Variants in RBMS3 observed in about 807,000 individuals in gnomAD.
The protein encoded by RBMS3 is RNA binding motif single stranded interacting protein 3.
A neutral mutation model predicts 66.8 loss-of-function variants in RBMS3; 27 were observed. The observed-to-expected ratio is 0.40, with a 90% confidence interval of 0.30 to 0.56. The LOEUF (loss-of-function observed/expected upper bound fraction) is 0.56, where lower values mean the gene tolerates loss of function less well. RBMS3 is among the 20% of genes least tolerant of loss of function. The probability of loss-of-function intolerance (pLI) is 0.40; values close to 1 mark genes in which losing one functional copy is unlikely to be tolerated. For synonymous variants in RBMS3, 188 were observed against 183.0 expected (o/e 1.03, Z -0.22); for missense variants, 513 against 549.5 (o/e 0.93, Z 0.66).
Position 29,906,771 on chromosome 3 carries a change from G to A in RBMS3, c.939+7016G>A, listed in dbSNP as rs933391410. Among the ~76,000 whole-genome samples, 15 of 151,884 alleles carry A rather than the reference G, an allele frequency of 9.9e-5. No individual in the cohort carries two copies. The East Asian group carries it at 1.7e-3, about 18-fold the overall frequency. ...GTACAGTTAATATCTAATGTTACATGTTTCCAGATGTTTTTCTGTATTTAT... is the reference window on the plus strand; with the variant it reads ...GTACAGTTAATATCTAATGTTACATATTTCCAGATGTTTTTCTGTATTTAT... On this transcript the variant is annotated intron_variant, in intron 10 of 14. Transcript: ENST00000383767.
At chr3:29,646,829 T>C (rs915908443) in intron 4 of RBMS3, among the ~76,000 whole-genome samples, 2 of 152,190 alleles carry the variant, frequency 1.3e-5, no homozygotes, top group African/African-American at 4.8e-5. Flanking sequence ...ATTCTGTTTT[T>C]GGAATCTCCC....
chr3:29,552,595 C>A (rs28150), intron 3 of RBMS3, among the ~76,000 whole-genome samples: 82,221 of 151,852 alleles, frequency 0.54, 22,953 homozygotes, highest in African/African-American at 0.65. Context: ...AAGTGAATAG[C>A]AGTAGTGTTA....
At chr3:29,526,368 A>T (rs1177309211) in intron 3 of RBMS3, 1 of 151,668 alleles carries the variant, frequency 6.6e-6, no homozygotes, top group Non-Finnish European at 1.5e-5. Context: ...AAAAATACAA[A>T]AAATTAGCCG....
At chr3:29,505,692 T>C (rs2148945790) in intron 3 of RBMS3, among the ~76,000 whole-genome samples, 1 of 151,998 alleles carries the variant, frequency 6.6e-6, no homozygotes, top group South Asian at 2.1e-4. Context: ...CTTAATAGTA[T>C]TCTTCTAATC....
At chr3:29,492,291 C>G (rs2043578728) in intron 3 of RBMS3, among the ~76,000 whole-genome samples, 1 of 151,960 alleles carries the variant, frequency 6.6e-6, no homozygotes, top group Non-Finnish European at 1.5e-5. Context: ...GAGTATTTTC[C>G]TTTCAAAAAA....
At chr3:29,509,219 T>G (rs979414880) in intron 3 of RBMS3, among the ~76,000 whole-genome samples, 4 of 152,146 alleles carry the variant, frequency 2.6e-5, no homozygotes, top group African/African-American at 9.7e-5. Context: ...GCCATAGTGA[T>G]GGCTCTGGTC....
chr3:29,465,257 A>T (rs2042498634), intron 2 of RBMS3, among the ~76,000 whole-genome samples: 1 of 152,146 alleles, frequency 6.6e-6, no homozygotes, highest in African/African-American at 2.4e-5. Flanking sequence ...AAAAGACATA[A>T]ATGTTAGTGA....
At chr3:29,915,712 G>A (rs2060623398) in intron 10 of RBMS3, among the ~76,000 whole-genome samples, 2 of 151,902 alleles carry the variant, frequency 1.3e-5, no homozygotes, top group Non-Finnish European at 1.5e-5. Flanking sequence ...TATTACCTGT[G>A]ATACAAAAGG....
rs141250310 is a variant in RBMS3 at position 29,336,457 on chromosome 3, A to G, written c.75+54701A>G. On this transcript the variant is annotated intron_variant, in intron 1 of 14. Transcript: ENST00000383767. Reference sequence around the variant, plus strand: ...ATTGATTTTGCTTACGTAATTTTAGATGAAAAAAAAAACCATAATCAACCT... The same window carrying G: ...ATTGATTTTGCTTACGTAATTTTAGGTGAAAAAAAAAACCATAATCAACCT... 3.7e-4 allele frequency among the ~76,000 whole-genome samples: 56 copies of G among 152,144 alleles called. No individual in the cohort carries two copies. The East Asian group carries it at 9.7e-3, about 26-fold the overall frequency.
chr3:29,647,492 ATGTTT>A (rs2049967458), intron 4 of RBMS3, among the ~76,000 whole-genome samples: 1 of 152,214 alleles, frequency 6.6e-6, no homozygotes, highest in African/African-American at 2.4e-5. Flanking sequence ...TTCCATTGTC[ATGTTT>A]CTAGATAGAG....
intron 6 of RBMS3, among the ~76,000 whole-genome samples, chr3:29,815,007 A>G (rs755473346): frequency 1.6e-4 from 24 of 152,304 alleles, no homozygotes; most frequent in African/African-American, 2.2e-4. Context: ...GTTTGGAAAA[A>G]GACATCCTGA....
At chr3:29,497,265 T>C (rs1227259487) in intron 3 of RBMS3, among the ~76,000 whole-genome samples, 1 of 152,030 alleles carries the variant, frequency 6.6e-6, no homozygotes, top group Non-Finnish European at 1.5e-5. Context: ...CGCCTCAACC[T>C]CCCAAATTGC....
intron 4 of RBMS3, among the ~76,000 whole-genome samples, chr3:29,674,797 A>T (rs2051168189): frequency 6.6e-6 from 1 of 152,054 alleles, no homozygotes; most frequent in South Asian, 2.1e-4. Flanking sequence ...ATGGATAGGA[A>T]GAATCAATAT....
chr3:29,296,424 G>A (rs1003128243), intron 1 of RBMS3, among the ~76,000 whole-genome samples: 8 of 151,680 alleles, frequency 5.3e-5, no homozygotes, highest in South Asian at 2.1e-4. Flanking sequence ...CTTGTTTGGC[G>A]CTGCTTAATC....
At chr3:29,688,895 C>T (rs1022531330) in intron 4 of RBMS3, among the ~76,000 whole-genome samples, 2 of 151,860 alleles carry the variant, frequency 1.3e-5, no homozygotes, top group Non-Finnish European at 2.9e-5. Flanking sequence ...ATATTTCTTG[C>T]TAAAGACTGA....
At chr3:29,346,890 C>T (rs2036608394) in intron 1 of RBMS3, among the ~76,000 whole-genome samples, 1 of 152,286 alleles carries the variant, frequency 6.6e-6, no homozygotes, top group South Asian at 2.1e-4. Flanking sequence ...GTAAACATTA[C>T]GTGAAAGAAC....
intron 4 of RBMS3, among the ~76,000 whole-genome samples, chr3:29,725,159 A>G (rs1054863134): frequency 5.3e-5 from 8 of 152,240 alleles, no homozygotes; most frequent in South Asian, 2.1e-4. Flanking sequence ...GAATCACAAG[A>G]CTCCTGTAGG....
rs376847277 is a variant in RBMS3, at chr3:29,597,814, C to T, written c.399+10609C>T. On this transcript the variant is annotated intron_variant, in intron 4 of 14. Coordinates refer to ENST00000383767, the MANE Select transcript of RBMS3 (RefSeq NM_001003793.3). ...ATAAAGGAAATAAAGTTTTAAATGACGCAATATTAAGAGCTCATTTTTTCA... is the reference window on the plus strand; with the variant it reads ...ATAAAGGAAATAAAGTTTTAAATGATGCAATATTAAGAGCTCATTTTTTCA... 2.0e-4 allele frequency among the ~76,000 whole-genome samples: 30 copies of T among 151,608 alleles called. No homozygotes were observed. In the East Asian group the frequency reaches 2.5e-3, roughly 13 times the overall value.
chr3:29,976,950 C>T (rs1211860524), intron 12 of RBMS3, among the ~76,000 whole-genome samples: 1 of 152,078 alleles, frequency 6.6e-6, no homozygotes, highest in East Asian at 1.9e-4. Context: ...CCCAAGCTTT[C>T]TTTGTTAAAA....
Sources: allele counts gnomAD v4.1 joint callset (sites outside exome capture counted in the v4.1 genomes callset), GRCh38; gene constraint gnomAD v4.1.1; transcripts MANE v1.5; gene names NCBI Gene and HGNC (gene_info 2026-07-23, HGNC 2026-07-21).